Variants in APC observed in about 807,000 individuals in gnomAD.
APC encodes the protein adenomatous polyposis coli protein.
APC carries 72 observed loss-of-function variants against 247.0 expected under a neutral mutation model. That is an observed-to-expected ratio of 0.29 (90% CI 0.24 to 0.35). The LOEUF (loss-of-function observed/expected upper bound fraction) is 0.35, where lower values mean the gene tolerates loss of function less well. Ranked by LOEUF, APC falls within the 10% of genes least tolerant of loss-of-function variation. The pLI is 1.00. For synonymous variants in APC, 1,254 were observed against 1,162.5 expected (o/e 1.08, Z -1.60); for missense variants, 3,400 against 3,360.7 (o/e 1.01, Z -0.29).
At chr5:112,759,356 CTTTTTTTTTT>C (rs887438895) in intron 2 of APC, among the ~76,000 whole-genome samples, 4 of 122,358 alleles carry the variant, frequency 3.3e-5, no homozygotes, top group African/African-American at 1.3e-4. Flanking sequence ...TTCTTTCTTT[CTTTTTTTTTT>C]TTTTTTTTTT....
chr5:112,772,761 C>T (rs1757201243), intron 4 of APC, among the ~76,000 whole-genome samples: 6 of 152,290 alleles, frequency 3.9e-5, no homozygotes, highest in Admixed American at 1.3e-4. Context: ...AAGTGATCCA[C>T]CTGCCTCAGC....
intron 8 of APC, among the ~76,000 whole-genome samples, chr5:112,807,136 GAA>G (rs763967488): frequency 6.8e-5 from 8 of 117,258 alleles, no homozygotes; most frequent in Non-Finnish European, 9.3e-5. Context: ...CTATCTCAAG[GAA>G]AAAAAAAAAA....
chr5:112,775,406 C>G (rs889340946), intron 4 of APC, among the ~76,000 whole-genome samples: 7 of 151,860 alleles, frequency 4.6e-5, no homozygotes, highest in African/African-American at 1.7e-4. Flanking sequence ...AGGATGATTA[C>G]CAGTTTATTT....
chr5:112,805,612 G>A (rs143106783), intron 8 of APC, among the ~76,000 whole-genome samples: 5 of 152,202 alleles, frequency 3.3e-5, no homozygotes, highest in East Asian at 1.9e-4. Flanking sequence ...TGTATCTGTG[G>A]GACTGTGATT....
At chr5:112,793,469 A>C (rs1393309299) in intron 7 of APC, among the ~76,000 whole-genome samples, 1 of 141,758 alleles carries the variant, frequency 7.1e-6, no homozygotes, top group Non-Finnish European at 1.5e-5. Context: ...AATGTGACTA[A>C]CCCAAGAAAA....
chr5:112,733,303 A>G (rs116515726), upstream of APC, among the ~76,000 whole-genome samples: 1 of 152,232 alleles, frequency 6.6e-6, no homozygotes, highest in Non-Finnish European at 1.5e-5. Flanking sequence ...TTATGTGACA[A>G]AAGGGAATTA....
chr5:112,731,367 T>TC (rs2149672531), intron 1 of APC, among the ~76,000 whole-genome samples: 1 of 152,318 alleles, frequency 6.6e-6, no homozygotes, highest in South Asian at 2.1e-4. Flanking sequence ...AGCTGAGACG[T>TC]CCAAGAGCAT....
intron 6 of APC, among the ~76,000 whole-genome samples, chr5:112,787,823 A>G (rs1759134318): frequency 6.6e-6 from 1 of 152,158 alleles, no homozygotes; most frequent in South Asian, 2.1e-4. Context: ...CTTTTCCTGT[A>G]CTGAAGTCGT....
At chr5:112,750,452 A>C (rs1328786674) in intron 1 of APC, among the ~76,000 whole-genome samples, 4 of 147,870 alleles carry the variant, frequency 2.7e-5, no homozygotes, top group African/African-American at 9.9e-5. Context: ...AGTGATGAGC[A>C]TTCTTTTTTT....
chr5:112,720,382 A>G (rs1022390072), intron 1 of APC, among the ~76,000 whole-genome samples: 19 of 152,212 alleles, frequency 1.2e-4, no homozygotes, highest in Non-Finnish European at 8.8e-5. Flanking sequence ...GTTAGATTCA[A>G]ATAGCTTTTT....
Position 112,839,004 on chromosome 5 carries a change from A to G in APC, c.3410A>G (p.Asp1137Gly), listed in dbSNP as rs1765418674. The change falls in exon 16 of 16, where the codon GAT (aspartate) becomes GGT (glycine). Residue 1137 changes from aspartate (D) to glycine (G), a missense_variant. Asp to Gly is a moderately conservative substitution (Grantham distance 94). Coordinates refer to ENST00000257430, the MANE Select transcript of APC (RefSeq NM_000038.6). This position sits in a 1 kb window ranked among gnomAD's most constrained non-coding sequence, Gnocchi z 5.0. Reference sequence around the variant, plus strand: ...TTGTGTCAAGAAGATGACTATGAAGATGATAAGCCTACCAATTATAGTGAA... The same window carrying G: ...TTGTGTCAAGAAGATGACTATGAAGGTGATAAGCCTACCAATTATAGTGAA... ...QSLCQEDDYE[D>G]DKPTNYSERY... is the part of the protein sequence containing the mutation. The G allele has an allele frequency of 6.2e-7, 1 of 1,614,146 alleles. No individual in the cohort carries two copies. The highest frequency in any genetic ancestry group is 8.5e-7 in the Non-Finnish European group (1 of 1,180,010).
chr5:112,801,219 C>T (rs1057157936), intron 7 of APC, 60 bp from the exon 8 acceptor site: 2 of 1,419,658 alleles, frequency 1.4e-6, no homozygotes, highest in African/African-American at 2.8e-5. Flanking sequence ...GAAAAAAAGC[C>T]TTGGGCTAAG....
At chr5:112,794,269 C>T (rs1028899820) in intron 7 of APC, among the ~76,000 whole-genome samples, 3 of 152,034 alleles carry the variant, frequency 2.0e-5, no homozygotes, top group Admixed American at 6.6e-5. Flanking sequence ...TTTGTAGAGA[C>T]GAGGTTTTGC....
At chr5:112,766,904 A>C (rs957855923) in intron 3 of APC, among the ~76,000 whole-genome samples, 128 of 152,372 alleles carry the variant, frequency 8.4e-4, no homozygotes, top group African/African-American at 2.8e-3. Flanking sequence ...AGTGCTTGAT[A>C]ATAATTGAAG....
At position 112,838,907 on chromosome 5, in the gene APC, C is replaced by T. The variant is rs768454793; in HGVS notation, c.3313C>T (p.Arg1105Trp). 11 of 1,613,938 alleles carry T rather than the reference C, an allele frequency of 6.8e-6. No individual in the cohort carries two copies. The highest frequency in any genetic ancestry group is 2.2e-5 in the East Asian group (1 of 44,890). Residue 1105 changes from arginine to tryptophan, a missense_variant, in exon 16 of 16, where the codon CGG becomes TGG. Arg to Trp is a moderately radical substitution (Grantham distance 101). This residue lies in a region of APC where 715 missense variants were observed against 656.6 expected (regional missense o/e 1.09). Transcript: ENST00000257430. ...GGAATGTGTTTCTCCATACAGGTCA[C>T]GGGGAGCCAATGGTTCAGAAACAAA... ...QQECVSPYRS[R>W]GANGSETNRV...
At chr5:112,756,120 A>G (rs1018292011) in intron 2 of APC, among the ~76,000 whole-genome samples, 2 of 152,158 alleles carry the variant, frequency 1.3e-5, no homozygotes, top group African/African-American at 4.8e-5. Flanking sequence ...ATGCATTTCA[A>G]GGTTTCCCTT....
At chr5:112,833,381 C>G (rs1764518021) in intron 14 of APC, among the ~76,000 whole-genome samples, 1 of 152,070 alleles carries the variant, frequency 6.6e-6, no homozygotes, top group Non-Finnish European at 1.5e-5. Flanking sequence ...CAGGGTTTCA[C>G]CATGTTGATC....
chr5:112,823,131 A>G (rs1284093433), intron 11 of APC, among the ~76,000 whole-genome samples: 1 of 152,242 alleles, frequency 6.6e-6, no homozygotes, highest in Non-Finnish European at 1.5e-5. Flanking sequence ...TAATCATAAC[A>G]GGAAGGGGAT....
chr5:112,741,116 C>T (rs890295054), intron 1 of APC, among the ~76,000 whole-genome samples: 1 of 151,948 alleles, frequency 6.6e-6, no homozygotes, highest in Non-Finnish European at 1.5e-5. Flanking sequence ...ATTAGGATAC[C>T]TTCTAAATAT....
Sources: allele counts gnomAD v4.1 joint callset (sites outside exome capture counted in the v4.1 genomes callset), GRCh38; gene constraint gnomAD v4.1.1; regional missense constraint gnomAD v4.1.1; non-coding constraint Gnocchi (gnomAD v3.1); transcripts MANE v1.5; gene names NCBI Gene and HGNC (gene_info 2026-07-23, HGNC 2026-07-21).